CHST11: variants seen among roughly 807,000 people sequenced by gnomAD.
The protein encoded by CHST11 is carbohydrate sulfotransferase 11, also known as C4S-1.
Under a neutral mutation model 30.4 loss-of-function variants are expected in CHST11, and 9 were observed. The ratio of observed to expected loss-of-function variants is 0.30; its 90% CI spans 0.18 to 0.52. The LOEUF (loss-of-function observed/expected upper bound fraction) is 0.52. CHST11 is among the 20% of genes least tolerant of loss of function. The pLI, the probability that CHST11 is intolerant of heterozygous loss-of-function variation, is 0.97. For missense variants in CHST11, 348 were observed against 460.6 expected (o/e 0.76, Z 2.24); for synonymous variants, 152 against 187.8 (o/e 0.81, Z 1.56).
At chr12:104,616,087 G>A (rs1456517755) in intron 2 of CHST11, among the ~76,000 whole-genome samples, 1 of 152,198 alleles carries the variant, frequency 6.6e-6, no homozygotes, top group African/African-American at 2.4e-5. Context: ...CACAAAGGCA[G>A]AGAGGAGCAA....
At position 104,686,178 on chromosome 12, in the gene CHST11, A is replaced by G. The variant is rs372993173; in HGVS notation, c.205-70771A>G. ...AGCCCGAGTTTGGAGGCTATAGTGA[A>G]CTATGGTCCCACCACTGCACTTCAA... On this transcript the variant is annotated intron_variant, in intron 2 of 2. Coordinates refer to ENST00000303694, the MANE Select transcript of CHST11 (RefSeq NM_018413.6). Among the ~76,000 whole-genome samples, 3 of 149,104 alleles carry G rather than the reference A, an allele frequency of 2.0e-5. No individual in the cohort carries two copies. In the East Asian group the frequency reaches 6.3e-4, roughly 31 times the overall value.
chr12:104,739,031 G>A (rs2040325874), intron 2 of CHST11, among the ~76,000 whole-genome samples: 1 of 152,204 alleles, frequency 6.6e-6, no homozygotes, highest in Non-Finnish European at 1.5e-5. Context: ...TGAGGGGTGA[G>A]CTGACCAGTC....
intron 1 of CHST11, among the ~76,000 whole-genome samples, chr12:104,568,230 G>A (rs1360564883): frequency 6.6e-6 from 1 of 152,140 alleles, no homozygotes; most frequent in East Asian, 1.9e-4. Context: ...CCTGGCGAGA[G>A]GAGTCAGACT....
chr12:104,603,399 T>C (rs2038975307), intron 2 of CHST11, among the ~76,000 whole-genome samples: 1 of 152,228 alleles, frequency 6.6e-6, no homozygotes, highest in Non-Finnish European at 1.5e-5. Context: ...TATGGTGTCA[T>C]GGGAAAAGCT....
chr12:104,482,595 A>G (rs186898484), intron 1 of CHST11, among the ~76,000 whole-genome samples: 12 of 152,180 alleles, frequency 7.9e-5, no homozygotes, highest in Admixed American at 2.0e-4. Flanking sequence ...ATGAGACAAG[A>G]TTTTGGTCCT....
chr12:104,553,239 G>T (rs753975394), intron 1 of CHST11: 1 of 152,352 alleles, frequency 6.6e-6, no homozygotes, highest in South Asian at 2.1e-4. Flanking sequence ...TGATGAAATG[G>T]TGGTGGTGGG....
At chr12:104,536,218 A>G (rs758413430) in intron 1 of CHST11, among the ~76,000 whole-genome samples, 2 of 152,216 alleles carry the variant, frequency 1.3e-5, no homozygotes, top group Non-Finnish European at 2.9e-5. Context: ...CTCATGAGAA[A>G]TAGTATTTGC....
intron 1 of CHST11, among the ~76,000 whole-genome samples, chr12:104,497,571 G>A (rs117858339): frequency 0.014 from 2,138 of 151,268 alleles, 29 homozygotes; most frequent in Middle Eastern, 0.027. Context: ...AGTACCTCAC[G>A]TATTAAAAAA....
rs2039054902 is a variant in CHST11 at position 104,610,960 on chromosome 12, A to G, written c.204+8969A>G. On this transcript the variant is annotated intron_variant, in intron 2 of 2. Transcript: ENST00000303694. ...TACAGAATCCCAGGCACATGGCAAG[A>G]TGCCCAGTCAATGCTGATTTTTTTA... Among the ~76,000 whole-genome samples the G allele has an allele frequency of 2.6e-5, 4 of 152,230 alleles. No individual in the cohort carries two copies. In the South Asian group the frequency reaches 8.3e-4, roughly 31 times the overall value.
chr12:104,527,523 C>G (rs2038138582), intron 1 of CHST11, among the ~76,000 whole-genome samples: 1 of 152,206 alleles, frequency 6.6e-6, no homozygotes, highest in African/African-American at 2.4e-5. Context: ...CCATCCTTCT[C>G]TCTGTCTCCC....
intron 2 of CHST11, among the ~76,000 whole-genome samples, chr12:104,697,759 G>A (rs1018251053): frequency 6.6e-6 from 1 of 152,192 alleles, no homozygotes; most frequent in African/African-American, 2.4e-5. Flanking sequence ...CCATGAAAAG[G>A]AATGCTTTGT....
intron 1 of CHST11, among the ~76,000 whole-genome samples, chr12:104,570,349 A>G (rs1003724398): frequency 2.0e-5 from 3 of 152,084 alleles, no homozygotes; most frequent in African/African-American, 7.2e-5. Context: ...GTGTGTGAGC[A>G]GCTGCAGATT....
chr12:104,620,080 T>A (rs2039145973), intron 2 of CHST11, among the ~76,000 whole-genome samples: 1 of 152,080 alleles, frequency 6.6e-6, no homozygotes, highest in Non-Finnish European at 1.5e-5. Context: ...TGTAGGGAAA[T>A]TGCATGCTAA....
intron 2 of CHST11, among the ~76,000 whole-genome samples, chr12:104,677,395 G>A (rs1433233536): frequency 6.6e-6 from 1 of 152,226 alleles, no homozygotes; most frequent in Admixed American, 6.5e-5. Flanking sequence ...GATGGGCGAG[G>A]AACAGAAGGG....
At chr12:104,544,439 G>A (rs539156157) in intron 1 of CHST11, among the ~76,000 whole-genome samples, 3 of 152,126 alleles carry the variant, frequency 2.0e-5, no homozygotes, top group Non-Finnish European at 2.9e-5. Context: ...AATTTGGGCC[G>A]GGCACGGTGG....
intron 2 of CHST11, among the ~76,000 whole-genome samples, chr12:104,606,931 G>A (rs2039010732): frequency 1.3e-5 from 2 of 152,024 alleles, no homozygotes; most frequent in Admixed American, 6.6e-5. Context: ...CGCCCGGCAT[G>A]GTGGCTCGTG....
intron 2 of CHST11, among the ~76,000 whole-genome samples, chr12:104,656,027 G>A (rs112051927): frequency 2.6e-5 from 4 of 152,198 alleles, no homozygotes; most frequent in African/African-American, 9.7e-5. Flanking sequence ...GCAGAAAGAA[G>A]GAAGGTAAGC....
chr12:104,542,861 C>A (rs1421052721), intron 1 of CHST11, among the ~76,000 whole-genome samples: 1 of 152,144 alleles, frequency 6.6e-6, no homozygotes, highest in African/African-American at 2.4e-5. Flanking sequence ...CATTTTAGGA[C>A]CCCCAAGGGT....
intron 1 of CHST11, among the ~76,000 whole-genome samples, chr12:104,489,136 A>G (rs1283322825): frequency 6.6e-6 from 1 of 151,754 alleles, no homozygotes; most frequent in Non-Finnish European, 1.5e-5. Flanking sequence ...TCCCAAGTTC[A>G]AGTGATTTTC....
Sources: gnomAD v4.1 joint callset for allele counts (sites outside exome capture counted in the v4.1 genomes callset) on GRCh38, gnomAD v4.1.1 for gene constraint, MANE v1.5 for transcripts, NCBI Gene and HGNC (gene_info 2026-07-23, HGNC 2026-07-21) for gene names.